Variants in RORA observed in about 807,000 individuals in gnomAD.
RORA encodes the protein nuclear receptor ROR-alpha.
Under a neutral mutation model 69.5 loss-of-function variants are expected in RORA, and 7 were observed. That is an observed-to-expected ratio of 0.10 (90% confidence interval 0.06 to 0.19). The LOEUF is 0.19. Ranked by LOEUF, RORA falls within the 10% of genes least tolerant of loss-of-function variation. RORA has a pLI of 1.00. For missense variants in RORA, 457 were observed against 663.0 expected, an observed-to-expected ratio of 0.69 and a Z score of 3.41; for synonymous variants, 261 against 240.8, an observed-to-expected ratio of 1.08 and a Z score of -0.78.
chr15:60,536,841 C>A (rs1015445657), intron 2 of RORA, among the ~76,000 whole-genome samples: 1 of 151,102 alleles, frequency 6.6e-6, no homozygotes, highest in Non-Finnish European at 1.5e-5. Flanking sequence ...TTTAAAAAGC[C>A]TATCTATCTT....
chr15:60,835,224 A>C (rs2073100714), intron 1 of RORA, among the ~76,000 whole-genome samples: 1 of 152,218 alleles, frequency 6.6e-6, no homozygotes, highest in African/African-American at 2.4e-5. Flanking sequence ...AATTGCTCTG[A>C]TCAAATCAAG....
chr15:61,115,912 G>A (rs2140799080), intron 1 of RORA, among the ~76,000 whole-genome samples: 1 of 152,298 alleles, frequency 6.6e-6, no homozygotes, highest in East Asian at 1.9e-4. Flanking sequence ...AGAGAGGAAA[G>A]CTACGTGGGT....
rs1335444514 is a variant in RORA at position 60,678,558 on chromosome 15, C to G, written c.196+99G>C. 1.1e-5 allele frequency: 10 copies of G among 926,836 alleles called. No individual in the cohort carries two copies. The Admixed American group carries it at 1.3e-4, about 12-fold the overall frequency. 57.4% of individuals were successfully genotyped at this position (926,836 alleles called of 1,614,324 possible). ...GACCTCTGTTGACCATGGATCACAG[C>G]TGAAACATTAGTATATACTTGAAGG... On this transcript the variant is annotated intron_variant, in intron 2 of 10. Transcript: ENST00000335670.
intron 1 of RORA, among the ~76,000 whole-genome samples, chr15:60,878,933 G>T (rs888403378): frequency 1.2e-4 from 18 of 152,106 alleles, no homozygotes; most frequent in Admixed American, 2.6e-4. Context: ...CAGACCAATG[G>T]TGGATCTGCT....
intron 2 of RORA, among the ~76,000 whole-genome samples, chr15:60,626,478 G>A (rs1483523665): frequency 3.3e-5 from 5 of 152,136 alleles, no homozygotes; most frequent in African/African-American, 1.2e-4. Flanking sequence ...AATATGAGTA[G>A]CCGCGTTCTC....
chr15:60,997,228 ATGTTTG>A (rs962458572), intron 1 of RORA, among the ~76,000 whole-genome samples: 1 of 152,182 alleles, frequency 6.6e-6, no homozygotes, highest in Non-Finnish European at 1.5e-5. Context: ...TTAAGTAAGA[ATGTTTG>A]TGTGATTTAG....
At chr15:60,504,821 C>G (rs532246292) in intron 6 of RORA, among the ~76,000 whole-genome samples, 1 of 152,040 alleles carries the variant, frequency 6.6e-6, no homozygotes, top group South Asian at 2.1e-4. Flanking sequence ...AACTTGTTTC[C>G]CCAATCTTAG....
intron 1 of RORA, among the ~76,000 whole-genome samples, chr15:61,223,268 C>T (rs953348387): frequency 1.3e-4 from 17 of 133,924 alleles, no homozygotes; most frequent in African/African-American, 3.4e-4. Flanking sequence ...GAGCTGAGAT[C>T]GTGCCACTGC....
At chr15:60,686,230 C>T (rs2070746404) in intron 1 of RORA, among the ~76,000 whole-genome samples, 1 of 152,132 alleles carries the variant, frequency 6.6e-6, no homozygotes, top group East Asian at 1.9e-4. Flanking sequence ...TTCCGGGTTC[C>T]CCAGCAAAGG....
At chr15:61,003,747 A>T (rs1479400209) in intron 1 of RORA, among the ~76,000 whole-genome samples, 1 of 152,208 alleles carries the variant, frequency 6.6e-6, no homozygotes, top group Non-Finnish European at 1.5e-5. Context: ...TTATCTTTAT[A>T]CAGGACTGCT....
At chr15:60,888,505 T>A (rs533297129) in intron 1 of RORA, among the ~76,000 whole-genome samples, 1 of 152,040 alleles carries the variant, frequency 6.6e-6, no homozygotes, top group East Asian at 1.9e-4. Context: ...AACACACACA[T>A]GCACACACAC....
chr15:60,517,937 C>A (rs1295875786), intron 3 of RORA, among the ~76,000 whole-genome samples: 2 of 152,324 alleles, frequency 1.3e-5, no homozygotes, highest in South Asian at 4.1e-4. Context: ...CTTCTGACGA[C>A]CAAATCCCAG....
intron 1 of RORA, among the ~76,000 whole-genome samples, chr15:61,215,537 A>G (rs1004182372): frequency 6.6e-6 from 1 of 152,206 alleles, no homozygotes; most frequent in Non-Finnish European, 1.5e-5. Flanking sequence ...GTCATAATTA[A>G]TATGTGTCCC....
chr15:61,049,522 G>C (rs1897201717), intron 1 of RORA, among the ~76,000 whole-genome samples: 1 of 152,146 alleles, frequency 6.6e-6, no homozygotes, highest in Non-Finnish European at 1.5e-5. Context: ...AAAAAATCCA[G>C]CATTTCTAAC....
At chr15:60,935,299 A>G (rs1480143597) in intron 1 of RORA, among the ~76,000 whole-genome samples, 1 of 152,264 alleles carries the variant, frequency 6.6e-6, no homozygotes, top group Non-Finnish European at 1.5e-5. Flanking sequence ...GAGAAAAGCC[A>G]GAGTTAATCC....
At chr15:61,085,370 T>G (rs769315377) in intron 1 of RORA, among the ~76,000 whole-genome samples, 1 of 152,202 alleles carries the variant, frequency 6.6e-6, no homozygotes, top group Non-Finnish European at 1.5e-5. Context: ...ACCTGCCCAC[T>G]CTTGCCCTCA....
At chr15:60,608,785 C>T (rs1032006847) in intron 2 of RORA, among the ~76,000 whole-genome samples, 1 of 152,050 alleles carries the variant, frequency 6.6e-6, no homozygotes, top group African/African-American at 2.4e-5. Flanking sequence ...TTACATGGCT[C>T]TTCAACAACA....
rs573340820 is a variant in RORA, at chr15:60,925,767, C to T, written c.167-247081G>A. 2.0e-5 allele frequency among the ~76,000 whole-genome samples: 3 copies of T among 152,204 alleles called. No homozygotes were observed. The East Asian group carries it at 5.8e-4, about 29-fold the overall frequency. On this transcript the variant is annotated intron_variant, in intron 1 of 10. Coordinates refer to ENST00000335670, the MANE Select transcript of RORA (RefSeq NM_134261.3). ...AGAATTCCTTCCTGCCCAGATGCCACGAACCTGTACGTTTCTGTCCATTTT... is the reference window on the plus strand; with the variant it reads ...AGAATTCCTTCCTGCCCAGATGCCATGAACCTGTACGTTTCTGTCCATTTT...
At chr15:60,918,500 G>A (rs1410951613) in intron 1 of RORA, among the ~76,000 whole-genome samples, 2 of 152,164 alleles carry the variant, frequency 1.3e-5, no homozygotes, top group African/African-American at 4.8e-5. Context: ...ATTACGATTG[G>A]AATTGCCATG....
Sources: gnomAD v4.1 joint callset for allele counts (sites outside exome capture counted in the v4.1 genomes callset) on GRCh38, gnomAD v4.1.1 for gene constraint, MANE v1.5 for transcripts, NCBI Gene and HGNC (gene_info 2026-07-23, HGNC 2026-07-21) for gene names.